Variants in PALLD observed in about 807,000 individuals in gnomAD.
PALLD encodes the protein palladin.
A neutral mutation model predicts 123.5 loss-of-function variants in PALLD; 61 were observed. The ratio of observed to expected loss-of-function variants is 0.49; its 90% CI spans 0.40 to 0.61. PALLD has a LOEUF of 0.61. Among genes scored for constraint, PALLD ranks in the 20% least tolerant of loss-of-function variants. The pLI is 0.00. For missense variants in PALLD, 1,273 were observed against 1,377.0 expected, an observed-to-expected ratio of 0.92 and a Z score of 1.20; for synonymous variants, 465 against 496.4, an observed-to-expected ratio of 0.94 and a Z score of 0.84.
chr4:168,828,495 A>C (rs1348014854), intron 10 of PALLD, among the ~76,000 whole-genome samples: 1 of 152,182 alleles, frequency 6.6e-6, no homozygotes, highest in Non-Finnish European at 1.5e-5. Flanking sequence ...AGTTAGATAG[A>C]TCAATCAGTC....
intron 8 of PALLD, chr4:168,700,696 C>T (rs930961301): frequency 1.3e-5 from 2 of 152,138 alleles, no homozygotes; most frequent in African/African-American, 4.8e-5. Flanking sequence ...CAGAAACTAA[C>T]AAACTAATTA....
chr4:168,782,214 G>A (rs1387735101), intron 10 of PALLD, among the ~76,000 whole-genome samples: 1 of 152,182 alleles, frequency 6.6e-6, no homozygotes, highest in Non-Finnish European at 1.5e-5. Flanking sequence ...AGAACTTCAC[G>A]AAAAGAAACT....
chr4:168,874,522 T>C (rs1388877707), intron 10 of PALLD, among the ~76,000 whole-genome samples: 2 of 152,240 alleles, frequency 1.3e-5, no homozygotes, highest in Non-Finnish European at 2.9e-5. Context: ...TCAGATATTC[T>C]TAAATATATT....
At chr4:168,856,744 T>G (rs1748664476) in intron 10 of PALLD, among the ~76,000 whole-genome samples, 1 of 152,202 alleles carries the variant, frequency 6.6e-6, no homozygotes, top group Admixed American at 6.5e-5. Context: ...GTCTAAAATT[T>G]AAACACAGGC....
intron 2 of PALLD, among the ~76,000 whole-genome samples, chr4:168,553,747 TCTAA>T (rs1277560673): frequency 6.6e-6 from 1 of 152,134 alleles, no homozygotes; most frequent in African/African-American, 2.4e-5. Context: ...TTTCCTTATG[TCTAA>T]CTTAGATTCT....
At chr4:168,539,895 C>T (rs1480018082) in intron 2 of PALLD, among the ~76,000 whole-genome samples, 4 of 151,898 alleles carry the variant, frequency 2.6e-5, no homozygotes, top group Non-Finnish European at 5.9e-5. Context: ...GCTTGGGGTA[C>T]GATTGATCTG....
intron 14 of PALLD, among the ~76,000 whole-genome samples, 180 bp downstream of exon 14, chr4:168,898,894 AG>A: frequency 6.6e-6 from 1 of 152,324 alleles, no homozygotes; most frequent in East Asian, 1.9e-4. Flanking sequence ...AAACCAAAAA[AG>A]GTGGTGGGGG....
chr4:168,907,217 T>C (rs1458144640), intron 15 of PALLD, among the ~76,000 whole-genome samples: 4 of 152,200 alleles, frequency 2.6e-5, no homozygotes. Flanking sequence ...TGCTAGTTAC[T>C]GTCATTATTT....
At chr4:168,834,749 A>C (rs1744879654) in intron 10 of PALLD, among the ~76,000 whole-genome samples, 1 of 152,202 alleles carries the variant, frequency 6.6e-6, no homozygotes, top group Admixed American at 6.5e-5. Flanking sequence ...AATAAAAAAA[A>C]AATTAAATGT....
chr4:168,847,096 T>C (rs1343752568), intron 10 of PALLD, among the ~76,000 whole-genome samples: 1 of 152,208 alleles, frequency 6.6e-6, no homozygotes, highest in African/African-American at 2.4e-5. Flanking sequence ...AAAAGGATCA[T>C]CTATTCTTTC....
intron 1 of PALLD, among the ~76,000 whole-genome samples, chr4:168,499,285 T>A (rs28642935): frequency 0.15 from 3,531 of 23,432 alleles, 273 homozygotes; most frequent in African/African-American, 0.28. Flanking sequence ...GGAGGGAGGA[T>A]GGGAGGGAGG....
At chr4:168,556,101 C>G (rs981370472) in intron 2 of PALLD, among the ~76,000 whole-genome samples, 1 of 150,660 alleles carries the variant, frequency 6.6e-6, no homozygotes, top group Non-Finnish European at 1.5e-5. Flanking sequence ...ATATTAATAC[C>G]CTTTTTTTTT....
chr4:168,703,208 T>A (rs1783870846), intron 8 of PALLD, among the ~76,000 whole-genome samples: 1 of 146,768 alleles, frequency 6.8e-6, no homozygotes, highest in Non-Finnish European at 1.5e-5. Flanking sequence ...GATTTCCAAT[T>A]TCATCCATGT....
chr4:168,670,769 AAAAAAC>A (rs1780167238), intron 3 of PALLD, among the ~76,000 whole-genome samples: 3 of 65,380 alleles, frequency 4.6e-5, no homozygotes, highest in African/African-American at 2.8e-4. Flanking sequence ...AAAAAACAAA[AAAAAAC>A]AAAAAAAAAA....
chr4:168,804,848 G>A (rs569551396), intron 10 of PALLD, among the ~76,000 whole-genome samples: 42 of 152,260 alleles, frequency 2.8e-4, no homozygotes, highest in Middle Eastern at 3.4e-3. Flanking sequence ...ACTGGAAGGT[G>A]CTTATTTTAT....
intron 3 of PALLD, among the ~76,000 whole-genome samples, chr4:168,674,553 A>T (rs1163600975): frequency 6.6e-6 from 1 of 152,146 alleles, no homozygotes; most frequent in Non-Finnish European, 1.5e-5. Flanking sequence ...CAAGAGAAAG[A>T]GTTTCCAGAA....
At chr4:168,876,225 G>A (rs929064656) in intron 10 of PALLD, among the ~76,000 whole-genome samples, 1 of 152,184 alleles carries the variant, frequency 6.6e-6, no homozygotes. Flanking sequence ...GGAGAGTGCT[G>A]GATAATGGAT....
At chr4:168,568,540 T>A (rs1267712541) in intron 2 of PALLD, among the ~76,000 whole-genome samples, 2 of 152,128 alleles carry the variant, frequency 1.3e-5, no homozygotes, top group Non-Finnish European at 2.9e-5. Context: ...TAAATTTTTT[T>A]AAACCCTGCC....
chr4:168,544,139 CT>C (rs1261437176), intron 2 of PALLD, among the ~76,000 whole-genome samples: 1 of 152,216 alleles, frequency 6.6e-6, no homozygotes, highest in Non-Finnish European at 1.5e-5. Context: ...TGTGTTCCAA[CT>C]TTTAAAATTA....
Sources: gnomAD v4.1 joint callset for allele counts (sites outside exome capture counted in the v4.1 genomes callset) on GRCh38, gnomAD v4.1.1 for gene constraint, MANE v1.5 for transcripts, NCBI Gene and HGNC (gene_info 2026-07-23, HGNC 2026-07-21) for gene names.